HPSE2: variants seen among roughly 807,000 people sequenced by gnomAD.
HPSE2 encodes the protein inactive heparanase-2.
In HPSE2, 38 loss-of-function variants were observed where a neutral mutation model predicts 60.5. That is an observed-to-expected ratio of 0.63 (90% CI 0.48 to 0.82). The LOEUF is 0.82. Among genes scored for constraint, HPSE2 ranks in the 40% least tolerant of loss-of-function variants. The pLI is 0.00. For synonymous variants in HPSE2, 295 were observed against 293.2 expected, an observed-to-expected ratio of 1.01 and a Z score of -0.06; for missense variants, 713 against 740.4, an observed-to-expected ratio of 0.96 and a Z score of 0.43.
intron 3 of HPSE2, among the ~76,000 whole-genome samples, chr10:98,943,049 GGAAGGGGAACA>G (rs1272147649): frequency 7.4e-6 from 1 of 136,042 alleles, no homozygotes; most frequent in African/African-American, 2.7e-5. Context: ...CATGGACACA[GGAAGGGGAACA>G]TCACACTCTG....
chr10:99,025,928 T>G (rs1225744149), intron 3 of HPSE2, among the ~76,000 whole-genome samples: 1 of 152,002 alleles, frequency 6.6e-6, no homozygotes, highest in Admixed American at 6.6e-5. Flanking sequence ...TAAAATAGTA[T>G]TTGCAAGCCT....
intron 3 of HPSE2, among the ~76,000 whole-genome samples, chr10:99,097,207 C>T (rs1382290260): frequency 4.6e-5 from 7 of 152,114 alleles, no homozygotes; most frequent in African/African-American, 1.7e-4. Flanking sequence ...TGCATCTGTG[C>T]TTCAAATAGG....
chr10:98,642,699 G>C (rs1946669622), intron 6 of HPSE2, among the ~76,000 whole-genome samples: 1 of 152,206 alleles, frequency 6.6e-6, no homozygotes, highest in Non-Finnish European at 1.5e-5. Context: ...GATATCCTTT[G>C]TGAGACTCTT....
At chr10:99,254,150 A>G in the HPSE2 span, among the ~76,000 whole-genome samples, 2 of 152,222 alleles carry the variant, frequency 1.3e-5, no homozygotes, top group Admixed American at 6.5e-5. Flanking sequence ...CAGCAAACAC[A>G]TGGAATCAAC....
At chr10:98,872,067 C>T (rs934462901) in intron 3 of HPSE2, among the ~76,000 whole-genome samples, 1 of 151,958 alleles carries the variant, frequency 6.6e-6, no homozygotes, top group Non-Finnish European at 1.5e-5. Context: ...CTTCTATATA[C>T]CACTGTATCC....
intron 3 of HPSE2, among the ~76,000 whole-genome samples, chr10:98,830,329 G>A (rs1951655867): frequency 6.6e-6 from 1 of 152,114 alleles, no homozygotes; most frequent in Non-Finnish European, 1.5e-5. Flanking sequence ...GGGAGAGGAG[G>A]AAGAAGAGGA....
intron 3 of HPSE2, among the ~76,000 whole-genome samples, chr10:98,755,776 T>A (rs1932736): frequency 0.014 from 2,058 of 152,190 alleles, 41 homozygotes; most frequent in African/African-American, 0.046. Context: ...GGTGGGCAGA[T>A]CACGATGTCA....
At chr10:98,542,104 C>A (rs1197655400) in intron 9 of HPSE2, among the ~76,000 whole-genome samples, 1 of 152,028 alleles carries the variant, frequency 6.6e-6, no homozygotes, top group South Asian at 2.1e-4. Flanking sequence ...ACACCTCAAA[C>A]GGCCAGGTAC....
intron 3 of HPSE2, among the ~76,000 whole-genome samples, chr10:98,972,323 C>T (rs1408024174): frequency 6.6e-6 from 1 of 151,914 alleles, no homozygotes; most frequent in African/African-American, 2.4e-5. Context: ...CAAAAATATT[C>T]TTTCCTTATG....
chr10:98,573,572 C>T (rs1216132705), intron 9 of HPSE2, among the ~76,000 whole-genome samples: 2 of 152,156 alleles, frequency 1.3e-5, no homozygotes, highest in African/African-American at 2.4e-5. Context: ...GAGCGTTTCC[C>T]GCTTGACTCC....
At chr10:98,696,303 A>C (rs796874227) in intron 5 of HPSE2, among the ~76,000 whole-genome samples, 5 of 145,390 alleles carry the variant, frequency 3.4e-5, no homozygotes, top group East Asian at 2.0e-4. Flanking sequence ...AAAAAAAAAA[A>C]AAAAAAAAAA....
At chr10:98,699,932 C>T (rs554185763) in intron 5 of HPSE2, among the ~76,000 whole-genome samples, 28 of 143,172 alleles carry the variant, frequency 2.0e-4, no homozygotes, top group African/African-American at 6.8e-4. Flanking sequence ...ATCCAACTTA[C>T]AAGGGATGTG....
chr10:98,847,843 T>G (rs1205197286), intron 3 of HPSE2, among the ~76,000 whole-genome samples: 1 of 152,216 alleles, frequency 6.6e-6, no homozygotes, highest in African/African-American at 2.4e-5. Context: ...ATACCCAGAC[T>G]GTGTGGTCCC....
At chr10:99,102,750 C>T (rs1316974484) in intron 3 of HPSE2, among the ~76,000 whole-genome samples, 8 of 152,040 alleles carry the variant, frequency 5.3e-5, no homozygotes, top group Non-Finnish European at 8.8e-5. Context: ...ACTGGCAAAC[C>T]GAATCCAGCA....
intron 4 of HPSE2, among the ~76,000 whole-genome samples, chr10:98,736,586 T>C (rs968163186): frequency 6.6e-6 from 1 of 152,224 alleles, no homozygotes; most frequent in South Asian, 2.1e-4. Flanking sequence ...ATGAATACAT[T>C]TGTGCATTAA....
At chr10:98,749,492 G>GAT (rs142443351) in intron 3 of HPSE2, among the ~76,000 whole-genome samples, 3,194 of 150,556 alleles carry the variant, frequency 0.021, 130 homozygotes, top group African/African-American at 0.075. Flanking sequence ...TATATATACA[G>GAT]ATATATATAT....
At chr10:98,942,426 G>A (rs1176628047) in intron 3 of HPSE2, among the ~76,000 whole-genome samples, 1 of 149,780 alleles carries the variant, frequency 6.7e-6, no homozygotes, top group African/African-American at 2.5e-5. Flanking sequence ...CAAAGGACAT[G>A]AACAGACACT....
intron 9 of HPSE2, among the ~76,000 whole-genome samples, chr10:98,492,442 C>A (rs1941682773): frequency 6.9e-6 from 1 of 144,560 alleles, no homozygotes; most frequent in East Asian, 2.0e-4. Context: ...GCGGAGCTTG[C>A]AGTGAGCCGA....
intron 9 of HPSE2, among the ~76,000 whole-genome samples, chr10:98,608,118 G>A (rs1398732827): frequency 6.6e-6 from 1 of 152,116 alleles, no homozygotes; most frequent in East Asian, 1.9e-4. Context: ...ATAAATCCAA[G>A]GACATATAGC....
Sources: gnomAD v4.1 joint callset for allele counts (sites outside exome capture counted in the v4.1 genomes callset) on GRCh38, gnomAD v4.1.1 for gene constraint, MANE v1.5 for transcripts, NCBI Gene and HGNC (gene_info 2026-07-23, HGNC 2026-07-21) for gene names.